ANTXRL: variants seen among roughly 807,000 people sequenced by gnomAD.
ANTXRL encodes the protein ANTXR like.
A neutral mutation model predicts 75.4 loss-of-function variants in ANTXRL; 63 were observed. The observed-to-expected ratio is 0.84, with a 90% CI of 0.68 to 1.03. ANTXRL has a LOEUF of 1.03. Among genes scored for constraint, ANTXRL ranks in the 50% least tolerant of loss-of-function variants. The probability of loss-of-function intolerance (pLI) is 0.00; values close to 1 mark genes in which losing one functional copy is unlikely to be tolerated. For synonymous variants in ANTXRL, 335 were observed against 291.3 expected (o/e 1.15, Z -1.53); for missense variants, 797 against 789.4 (o/e 1.01, Z -0.12).
intron 3 of ANTXRL, among the ~76,000 whole-genome samples, chr10:46,295,724 T>C (rs1233691040): frequency 8.5e-5 from 13 of 152,116 alleles, no homozygotes; most frequent in African/African-American, 3.1e-4. Flanking sequence ...CCATTGCAGT[T>C]CCTGACTCAC....
At chr10:46,293,185 G>A (rs1406175654) in intron 2 of ANTXRL, 2 of 155,190 alleles carry the variant, frequency 1.3e-5, no homozygotes, top group African/African-American at 4.9e-5. Flanking sequence ...TGCATGTTCA[G>A]GTGCATGTGT....
rs1554962011 is a variant in ANTXRL, at chr10:46,306,820, A to G, written c.913A>G (p.Ile305Val). The stretch of plus-strand genomic sequence containing the variant: ...TCTTTTAGATGAAAAGCCAACCAGT[A>G]TCGACAATAATTCCATGAATTGCCC... ...STIIDEKPTS[I>V]DNNSMNCPGP... Residue 305 changes from isoleucine to valine, a missense_variant, in exon 11 of 17, where the codon ATC becomes GTC. Transcript: ENST00000620264. 2.0e-6 allele frequency: 3 copies of G among 1,528,520 alleles called. No individual in the cohort carries two copies. The Admixed American group carries it at 6.1e-5, about 31-fold the overall frequency. 94.7% of individuals were successfully genotyped at this position (1,528,520 alleles called of 1,614,324 possible).
rs574349522 is a variant in ANTXRL at position 46,309,081 on chromosome 10, G to A, written c.1045-32G>A. ...GTGGGCACGGGGAAGAGGCCACCGA[G>A]GCCCTCCTATGGTGCTCTCTTTCTC... On this transcript the variant is annotated intron_variant, in intron 12 of 16. Transcript: ENST00000620264. 31 of 1,535,634 alleles carry A rather than the reference G, an allele frequency of 2.0e-5. No homozygotes were observed. The South Asian group carries it at 2.6e-4, about 13-fold the overall frequency.
intron 16 of ANTXRL, among the ~76,000 whole-genome samples, chr10:46,326,194 G>A (rs1452462123): frequency 6.6e-6 from 1 of 151,982 alleles, no homozygotes; most frequent in Non-Finnish European, 1.5e-5. Flanking sequence ...GAATAGCTGT[G>A]AGTAGAGATG....
intron 10 of ANTXRL, among the ~76,000 whole-genome samples, chr10:46,303,258 C>T (rs1357980722): frequency 6.6e-6 from 1 of 152,162 alleles, no homozygotes; most frequent in Non-Finnish European, 1.5e-5. Context: ...GTTTACCTTG[C>T]ACTGAGGGAG....
At chr10:46,298,645 G>A (rs1181547581) in intron 9 of ANTXRL, among the ~76,000 whole-genome samples, 1 of 151,708 alleles carries the variant, frequency 6.6e-6, no homozygotes, top group Non-Finnish European at 1.5e-5. Flanking sequence ...TGGTGTGCAG[G>A]TATGTGGTGT....
intron 1 of ANTXRL, among the ~76,000 whole-genome samples, chr10:46,291,059 T>C (rs559405063): frequency 2.0e-5 from 3 of 152,178 alleles, no homozygotes; most frequent in African/African-American, 4.8e-5. Flanking sequence ...GCTTAAAAGT[T>C]TTAGCCTTTA....
At chr10:46,308,578 C>T (rs185222273) in intron 12 of ANTXRL, 19 of 390,906 alleles carry the variant, frequency 4.9e-5, no homozygotes, top group Admixed American at 4.4e-4. Flanking sequence ...TTGCTTATAC[C>T]CCATGTGGCC....
intron 16 of ANTXRL, among the ~76,000 whole-genome samples, chr10:46,314,024 C>T (rs1838583508): frequency 6.6e-6 from 1 of 152,202 alleles, no homozygotes. Flanking sequence ...TCTGCCTGTG[C>T]CTCCCACAGT....
chr10:46,313,526 G>A (rs1838553703), intron 16 of ANTXRL, among the ~76,000 whole-genome samples: 1 of 152,198 alleles, frequency 6.6e-6, no homozygotes, highest in African/African-American at 2.4e-5. Context: ...CTGGGGCCAG[G>A]AGTGCTGGCT....
In ANTXRL at chr10:46,297,451, G is replaced by A. The variant is rs1373467619; in HGVS notation, c.631G>A (p.Val211Met). The change falls in exon 7 of 17, where the codon GTG (valine) becomes ATG (methionine). Residue 211 changes from valine to methionine, a missense_variant. Val to Met is a conservative substitution (Grantham distance 21). This residue lies in a region of ANTXRL where 262 missense variants were observed against 271.9 expected (regional missense o/e 0.96). Transcript: ENST00000620264. ...GGGGGCCAACGTTTACACCCTGGGTGTGGCTGATTATAATCTGGATCAGGT... is the reference window on the plus strand; with the variant it reads ...GGGGGCCAACGTTTACACCCTGGGTATGGCTGATTATAATCTGGATCAGGT... ...KLGANVYTLG[V>M]ADYNLDQITA... 1 of 1,535,840 alleles carries A rather than the reference G, an allele frequency of 6.5e-7. No individual in the cohort carries two copies. The highest frequency in any genetic ancestry group is 2.0e-5 in the Admixed American group (1 of 50,984).
chr10:46,326,477 TCTAAC>T (rs1247323385), intron 16 of ANTXRL, among the ~76,000 whole-genome samples: 1 of 152,156 alleles, frequency 6.6e-6, no homozygotes, highest in African/African-American at 2.4e-5. Context: ...CGCCATGCCT[TCTAAC>T]CATGCCAGAA....
At chr10:46,320,218 G>A (rs1273006579) in intron 16 of ANTXRL, among the ~76,000 whole-genome samples, 2 of 152,172 alleles carry the variant, frequency 1.3e-5, no homozygotes, top group Non-Finnish European at 1.5e-5. Flanking sequence ...AAAGATTTCA[G>A]TTGGTTTCCT....
intron 16 of ANTXRL, among the ~76,000 whole-genome samples, chr10:46,320,856 A>C (rs1015903169): frequency 2.0e-5 from 3 of 152,208 alleles, no homozygotes; most frequent in African/African-American, 7.2e-5. Flanking sequence ...ACTGAATTTA[A>C]TCTGGTGACA....
chr10:46,321,910 T>TCTTTC (rs1565053261), intron 16 of ANTXRL, among the ~76,000 whole-genome samples: 1 of 152,066 alleles, frequency 6.6e-6, no homozygotes, highest in Non-Finnish European at 1.5e-5. Context: ...TCAATTTGAG[T>TCTTTC]TTTAAGATGT....
At chr10:46,317,717 GCACACA>G (rs112715634) in intron 16 of ANTXRL, among the ~76,000 whole-genome samples, 1 of 150,684 alleles carries the variant, frequency 6.6e-6, no homozygotes, top group South Asian at 2.1e-4. Flanking sequence ...CAAAACACAT[GCACACA>G]CACACACACA....
At chr10:46,289,519 G>A (rs1836896729) in intron 1 of ANTXRL, among the ~76,000 whole-genome samples, 1 of 152,062 alleles carries the variant, frequency 6.6e-6, no homozygotes, top group Non-Finnish European at 1.5e-5. Flanking sequence ...CTTGAGTCTA[G>A]GAGTTCAAGA....
Position 46,297,239 on chromosome 10 carries a change from G to A in ANTXRL, c.509-13G>A. Reference sequence around the variant, plus strand: ...GCCTTTGCTGAGCAGGCCACTCTTTGCTTCTTCTACAGACAAGGTTCCCAG... The same window carrying A: ...GCCTTTGCTGAGCAGGCCACTCTTTACTTCTTCTACAGACAAGGTTCCCAG... On this transcript the variant is annotated splice_polypyrimidine_tract_variant and intron_variant, in intron 5 of 16. Coordinates refer to ENST00000620264, the MANE Select transcript of ANTXRL (RefSeq NM_001278688.3). The A allele has an allele frequency of 6.5e-7, 1 of 1,535,966 alleles. No individual in the cohort carries two copies.
chr10:46,286,899 C>A, upstream of ANTXRL: 1 of 307,838 alleles, frequency 3.2e-6, no homozygotes, highest in Non-Finnish European at 6.1e-6. Flanking sequence ...TCTTGTAGCC[C>A]CTCCAAAGGT....
Sources: allele counts gnomAD v4.1 joint callset (sites outside exome capture counted in the v4.1 genomes callset), GRCh38; gene constraint gnomAD v4.1.1; regional missense constraint gnomAD v4.1.1; transcripts MANE v1.5; gene names NCBI Gene and HGNC (gene_info 2026-07-23, HGNC 2026-07-21).